ZNF516: variants seen among roughly 807,000 people sequenced by gnomAD.
ZNF516 encodes zinc finger protein 516.
In ZNF516, 19 loss-of-function variants were observed where a neutral mutation model predicts 79.7. That is an observed-to-expected ratio of 0.24 (90% confidence interval 0.17 to 0.35). The LOEUF (loss-of-function observed/expected upper bound fraction) is 0.35. Ranked by LOEUF, ZNF516 falls within the 10% of genes least tolerant of loss-of-function variation. ZNF516 has a pLI of 1.00. For synonymous variants in ZNF516, 877 were observed against 739.5 expected, an observed-to-expected ratio of 1.19 and a Z score of -3.02; for missense variants, 1,678 against 1,679.5, an observed-to-expected ratio of 1.00 and a Z score of 0.02.
chr18:76,376,464 A>T (rs2074787639), intron 4 of ZNF516, among the ~76,000 whole-genome samples: 1 of 152,126 alleles, frequency 6.6e-6, no homozygotes, highest in Non-Finnish European at 1.5e-5. Context: ...AAATAACCCA[A>T]GATGAGTGCA....
Position 76,360,646 on chromosome 18 carries a change from A to AAAAAAAAAAAAAT in ZNF516, c.*1851_*1852insATTTTTTTTTTTT, listed in dbSNP as rs373540251. 2 of 72,460 alleles carry AAAAAAAAAAAAAT rather than the reference A, an allele frequency of 2.8e-5. No individual in the cohort carries two copies. Among genetic ancestry groups the AAAAAAAAAAAAAT allele is most frequent in the Non-Finnish European group, 5.4e-5 (2 of 36,924 alleles). The allele number at this position is 72,460 out of a possible 1,614,324, so 4.5% of individuals were successfully genotyped here. A position where few individuals can be genotyped will look rare whatever the true frequency, so the allele number is the denominator to read the frequency against. ...AAAAAAATAAGTAAAAAAAAAAAAA[A>AAAAAAAAAAAAAT]ATATATATATATATATATATATATA... On this transcript the variant is annotated 3_prime_UTR_variant, in exon 7 of 7. Coordinates refer to ENST00000443185, the MANE Select transcript of ZNF516 (RefSeq NM_014643.4).
intron 1 of ZNF516, among the ~76,000 whole-genome samples, chr18:76,468,756 C>T (rs1373742445): frequency 1.3e-5 from 2 of 152,148 alleles, no homozygotes; most frequent in African/African-American, 2.4e-5. Context: ...AAGACAGTTC[C>T]TCTTCTTCCA....
chr18:76,407,457 C>T (rs1251063113), intron 3 of ZNF516, among the ~76,000 whole-genome samples: 1 of 152,078 alleles, frequency 6.6e-6, no homozygotes, highest in African/African-American at 2.4e-5. Context: ...GAGGAGGAAA[C>T]CCAGTAGCGC....
chr18:76,365,477 C>G (rs1488113474), intron 6 of ZNF516, among the ~76,000 whole-genome samples: 1 of 152,240 alleles, frequency 6.6e-6, no homozygotes, highest in Non-Finnish European at 1.5e-5. Flanking sequence ...CTAACATCCA[C>G]AGGACAAAAC....
intron 3 of ZNF516, among the ~76,000 whole-genome samples, chr18:76,425,242 C>T (rs1419338723): frequency 6.6e-6 from 1 of 152,104 alleles, no homozygotes; most frequent in Admixed American, 6.5e-5. Flanking sequence ...CACTGTTTTA[C>T]GCCTTTTCCA....
intron 1 of ZNF516, among the ~76,000 whole-genome samples, chr18:76,485,868 TAA>T (rs36043507): frequency 1.2e-4 from 17 of 138,218 alleles, no homozygotes; most frequent in Admixed American, 2.2e-4. Context: ...CTCATTTCTT[TAA>T]AAAAAAAAAA....
chr18:76,473,536 T>C (rs1913979803), intron 1 of ZNF516, among the ~76,000 whole-genome samples: 1 of 152,108 alleles, frequency 6.6e-6, no homozygotes, highest in Non-Finnish European at 1.5e-5. Flanking sequence ...GTGCGGTGGC[T>C]CACGCCTGTA....
At chr18:76,469,952 T>A (rs190240526) in intron 1 of ZNF516, among the ~76,000 whole-genome samples, 106 of 152,320 alleles carry the variant, frequency 7.0e-4, no homozygotes, top group Non-Finnish European at 1.2e-3. Context: ...CAGGAAATCA[T>A]TACAAAATAC....
At chr18:76,469,561 G>C (rs999069521) in intron 1 of ZNF516, among the ~76,000 whole-genome samples, 1 of 152,124 alleles carries the variant, frequency 6.6e-6, no homozygotes, top group African/African-American at 2.4e-5. Context: ...TGGGATAAGG[G>C]AGGAGACTCA....
intron 1 of ZNF516, among the ~76,000 whole-genome samples, chr18:76,477,456 C>T (rs1436596498): frequency 6.6e-6 from 1 of 152,124 alleles, no homozygotes; most frequent in African/African-American, 2.4e-5. Flanking sequence ...TTAACTCTGC[C>T]TTAGCCTTGA....
At chr18:76,486,751 C>G (rs1914856806) in intron 1 of ZNF516, among the ~76,000 whole-genome samples, 3 of 151,828 alleles carry the variant, frequency 2.0e-5, no homozygotes, top group African/African-American at 7.3e-5. Flanking sequence ...AAGATTTCAT[C>G]CCATTTTCAC....
intron 3 of ZNF516, among the ~76,000 whole-genome samples, chr18:76,398,516 G>A (rs768411318): frequency 2.0e-5 from 3 of 152,180 alleles, no homozygotes; most frequent in Non-Finnish European, 4.4e-5. Context: ...TCGGGAAGAA[G>A]GTGCTGACGC....
In ZNF516 at chr18:76,452,150, C is replaced by T. The variant is rs537410317; in HGVS notation, c.-157-8939G>A. Among the ~76,000 whole-genome samples the T allele has an allele frequency of 2.6e-5, 4 of 152,310 alleles. No homozygotes were observed. The East Asian group carries it at 7.7e-4, about 29-fold the overall frequency. ...ACTAGGGGAAAAAGGACACAAAACGCCACTATCCCAGGGAGCAGCCGCCAG... is the reference window on the plus strand; with the variant it reads ...ACTAGGGGAAAAAGGACACAAAACGTCACTATCCCAGGGAGCAGCCGCCAG... On this transcript the variant is annotated intron_variant, in intron 2 of 6. Transcript: ENST00000443185.
In ZNF516 at chr18:76,385,111, C is replaced by G. The variant is rs376122796; in HGVS notation, c.1811-4808G>C. ...GAGAAGGCGCACGTCGCTCCCAACC[C>G]CACGAGTGTGCACACGCGTGCCACA... On this transcript the variant is annotated intron_variant, in intron 3 of 6. Transcript: ENST00000443185. Among the ~76,000 whole-genome samples, 23 of 152,358 alleles carry G rather than the reference C, an allele frequency of 1.5e-4. No individual in the cohort carries two copies. In the East Asian group the frequency reaches 4.3e-3, roughly 28 times the overall value.
Position 76,441,274 on chromosome 18 carries a change from C to A in ZNF516, c.1781G>T (p.Gly594Val). The change falls in exon 3 of 7, where the codon GGT becomes GTT. Residue 594 changes from glycine to valine, a missense_variant. Gly to Val is a moderately radical substitution (Grantham distance 109, BLOSUM62 -3). Coordinates refer to ENST00000443185, the MANE Select transcript of ZNF516 (RefSeq NM_014643.4). The stretch of plus-strand genomic sequence containing the variant: ...TGCAGGTTCAGGGGCGCCCTCCTCA[C>A]CACTGTCTTCGGCAGCCTCGTCGGC... The part of the protein sequence containing the change: ...GLADEAAEDS[G>V]EEGAPEPAPG... 2 of 1,610,910 alleles carry A rather than the reference C, an allele frequency of 1.2e-6. No homozygotes were observed. The highest frequency in any genetic ancestry group is 1.7e-6 in the Non-Finnish European group (2 of 1,179,344).
At chr18:76,367,233 C>T (rs1055031161) in intron 6 of ZNF516, among the ~76,000 whole-genome samples, 1 of 152,206 alleles carries the variant, frequency 6.6e-6, no homozygotes, top group African/African-American at 2.4e-5. Context: ...TCCCTCTGTT[C>T]TAGTCCCTCA....
intron 3 of ZNF516, among the ~76,000 whole-genome samples, chr18:76,399,410 G>A (rs1369853939): frequency 1.3e-5 from 2 of 152,130 alleles, no homozygotes; most frequent in Non-Finnish European, 2.9e-5. Context: ...TGGCATAGAC[G>A]GAATTAAGCA....
At chr18:76,369,530 C>G (rs1390711141) in intron 6 of ZNF516, among the ~76,000 whole-genome samples, 4 of 151,892 alleles carry the variant, frequency 2.6e-5, no homozygotes, top group Non-Finnish European at 5.9e-5. Flanking sequence ...TTTCATGCCT[C>G]TTATCTTTTT....
At chr18:76,384,717 C>T (rs1452434403) in intron 3 of ZNF516, among the ~76,000 whole-genome samples, 1 of 151,698 alleles carries the variant, frequency 6.6e-6, no homozygotes, top group Admixed American at 6.6e-5. Context: ...GGCTCCAGCT[C>T]CCTGGTTGAG....
Sources: allele counts gnomAD v4.1 joint callset (sites outside exome capture counted in the v4.1 genomes callset), GRCh38; gene constraint gnomAD v4.1.1; transcripts MANE v1.5; gene names NCBI Gene and HGNC (gene_info 2026-07-23, HGNC 2026-07-21).